Variants in NHLRC1 observed in about 807,000 individuals in gnomAD.
The protein encoded by NHLRC1 is E3 ubiquitin-protein ligase NHLRC1.
NHLRC1 carries 10 observed loss-of-function variants against 14.6 expected under a neutral mutation model. The observed-to-expected ratio is 0.69, with a 90% confidence interval of 0.42 to 1.17. The LOEUF (loss-of-function observed/expected upper bound fraction) is 1.17, where lower values mean the gene tolerates loss of function less well. NHLRC1 is among the 50% of genes most tolerant of loss of function. NHLRC1 has a pLI of 0.00. For missense variants in NHLRC1, 526 were observed against 522.9 expected (o/e 1.01, Z -0.06); for synonymous variants, 231 against 224.0 (o/e 1.03, Z -0.28).
In NHLRC1 at chr6:18,121,694, C is replaced by A. The variant is rs752220824; in HGVS notation, c.913G>T (p.Gly305Cys). Reference sequence around the variant, plus strand: ...CTCAGCCCAAAGGTATCCACTTGGCCGACAAGCTGCATACTTGAGCTAAAC... The same window carrying A: ...CTCAGCCCAAAGGTATCCACTTGGCAGACAAGCTGCATACTTGAGCTAAAC... The part of the protein sequence containing the change: ...KVFSSSMQLV[G>C]QVDTFGLSLY... The change falls in exon 1 of 1, where the codon GGC becomes TGC. Residue 305 changes from glycine to cysteine, a missense_variant. Coordinates refer to ENST00000340650, the MANE Select transcript of NHLRC1 (RefSeq NM_198586.3). The surrounding 1 kb of genome is among the most constrained non-coding windows in gnomAD (Gnocchi z 4.7). The A allele has an allele frequency of 1.2e-6, 2 of 1,614,074 alleles. No homozygotes were observed. The highest frequency in any genetic ancestry group is 8.5e-7 in the Non-Finnish European group (1 of 1,180,020).
rs746676778 is a variant in NHLRC1 at position 18,121,713 on chromosome 6, G to A, written c.894C>T (p.Ser298=). The stretch of plus-strand genomic sequence containing the variant: ...CTTGGCCGACAAGCTGCATACTTGA[G>A]CTAAACACTTTCACCCTGGTGCTGC... ...GVCSTRVKVF[S]SSMQLVGQVD... is the part of the protein sequence containing the mutation. Residue 298 remains serine, a synonymous_variant, in exon 1 of 1, where the codon AGC becomes AGT. Transcript: ENST00000340650. The surrounding 1 kb of genome is among the most constrained non-coding windows in gnomAD (Gnocchi z 4.7). 6.2e-7 allele frequency: 1 copy of A among 1,614,094 alleles called. No homozygotes were observed. The highest frequency in any genetic ancestry group is 8.5e-7 in the Non-Finnish European group (1 of 1,180,036).
Position 18,121,528 on chromosome 6 carries a change from G to A in NHLRC1, c.1079C>T (p.Thr360Ile). The change falls in exon 1 of 1, where the codon ACT (threonine) becomes ATT (isoleucine). Residue 360 changes from threonine (T) to isoleucine (I), a missense_variant. Physicochemically the swap from Thr to Ile is moderately conservative, Grantham distance 89. Transcript: ENST00000340650. The surrounding 1 kb of genome is among the most constrained non-coding windows in gnomAD (Gnocchi z 4.7). ...AGCCACAGGATGCGAAAGACCATGAGTGACCATGGGCTTCGGTACTGGAAA... is the reference window on the plus strand; with the variant it reads ...AGCCACAGGATGCGAAAGACCATGAATGACCATGGGCTTCGGTACTGGAAA... ...EEFPVPKPMV[T>I]HGLSHPVALT... 1 of 1,614,144 alleles carries A rather than the reference G, an allele frequency of 6.2e-7. No homozygotes were observed. The highest frequency in any genetic ancestry group is 2.2e-5 in the East Asian group (1 of 44,878).
rs553814041 is a variant in NHLRC1, at chr6:18,121,813, C to A, written c.794G>T (p.Arg265Leu). Residue 265 changes from arginine (R) to leucine (L), a missense_variant, in exon 1 of 1, where the codon CGA becomes CTA. Physicochemically the swap from Arg to Leu is moderately radical, Grantham distance 102 (BLOSUM62 -2). Coordinates refer to ENST00000340650, the MANE Select transcript of NHLRC1 (RefSeq NM_198586.3). This position sits in a 1 kb window ranked among gnomAD's most constrained non-coding sequence, Gnocchi z 4.7. ...GGTGAGCCAAGACACTGCCACCCCTCGGGGATTGCACAGATGAGCTTGCAA... is the reference window on the plus strand; with the variant it reads ...GGTGAGCCAAGACACTGCCACCCCTAGGGGATTGCACAGATGAGCTTGCAA... ...ERLQAHLCNPRGVAVSWLTGA... is the reference protein window; with the variant it reads ...ERLQAHLCNPLGVAVSWLTGA... The A allele has an allele frequency of 6.2e-7, 1 of 1,614,046 alleles. No homozygotes were observed. Among genetic ancestry groups the A allele is most frequent in the South Asian group, 1.1e-5 (1 of 91,082 alleles).
Position 18,122,307 on chromosome 6 carries a change from G to C in NHLRC1, c.300C>G (p.Ser100=), listed in dbSNP as rs774110305. Residue 100 remains serine, a synonymous_variant, in exon 1 of 1, where the codon TCC becomes TCG. Transcript: ENST00000340650. ...TGGGGGCGGCGCGATGGGCGGCCGGGGACTGGCGAAGCGCTGAGCCCAGGA... is the reference window on the plus strand; with the variant it reads ...TGGGGGCGGCGCGATGGGCGGCCGGCGACTGGCGAAGCGCTGAGCCCAGGA... ...IELLGSALRQ[S]PAAHRAAPSA... 1.3e-6 allele frequency: 2 copies of C among 1,588,862 alleles called. No individual in the cohort carries two copies. Among genetic ancestry groups the C allele is most frequent in the East Asian group, 4.5e-5 (2 of 44,530 alleles).
In NHLRC1 at chr6:18,121,091, G is replaced by T; in HGVS notation, c.*328C>A. 1 of 333,330 alleles carries T rather than the reference G, an allele frequency of 3.0e-6. No individual in the cohort carries two copies. Among genetic ancestry groups the T allele is most frequent in the Non-Finnish European group, 5.7e-6 (1 of 176,022 alleles). The allele number at this position is 333,330 out of a possible 1,614,324, so 20.6% of individuals were successfully genotyped here. On this transcript the variant is annotated 3_prime_UTR_variant, in exon 1 of 1. Coordinates refer to ENST00000340650, the MANE Select transcript of NHLRC1 (RefSeq NM_198586.3). The surrounding 1 kb of genome is among the most constrained non-coding windows in gnomAD (Gnocchi z 4.7). ...AGGCTGAGGTGGAAGGACCACCTGA[G>T]CGGGGGACGTTGAAACTGTAGTGAG... is the stretch of plus-strand genomic sequence containing the variant.
Position 18,121,554 on chromosome 6 carries a change from C to G in NHLRC1, c.1053G>C (p.Glu351Asp), listed in dbSNP as rs377395116. 1.2e-6 allele frequency: 2 copies of G among 1,614,074 alleles called. No homozygotes were observed. Among genetic ancestry groups the G allele is most frequent in the African/African-American group, 2.7e-5 (2 of 74,936 alleles). The change falls in exon 1 of 1, where the codon GAG becomes GAC. Residue 351 changes from glutamate (E) to aspartate (D), a missense_variant. Transcript: ENST00000340650. The surrounding 1 kb of genome is among the most constrained non-coding windows in gnomAD (Gnocchi z 4.7). ...PAILCLGKPE[E>D]FPVPKPMVTH... ...TGACCATGGGCTTCGGTACTGGAAA[C>G]TCCTCAGGTTTTCCTAAGCAAAGGA...
At position 18,121,791 on chromosome 6, in the gene NHLRC1, G is replaced by A; in HGVS notation, c.816C>T (p.Leu272=). The change falls in exon 1 of 1, where the codon CTC becomes CTT. Residue 272 remains leucine, a synonymous_variant. Transcript: ENST00000340650. This position sits in a 1 kb window ranked among gnomAD's most constrained non-coding sequence, Gnocchi z 4.7. ...GCTCCAGGACCGCAATGGCCCCGGT[G>A]AGCCAAGACACTGCCACCCCTCGGG... is the stretch of plus-strand genomic sequence containing the variant. ...CNPRGVAVSW[L]TGAIAVLEHP... is the part of the protein sequence containing the mutation. 2.5e-6 allele frequency: 4 copies of A among 1,614,024 alleles called. No individual in the cohort carries two copies. The highest frequency in any genetic ancestry group is 1.7e-5 in the Admixed American group (1 of 60,026).
rs1561882043 is a variant in NHLRC1, at chr6:18,122,201, G to A, written c.406C>T (p.Pro136Ser). The A allele has an allele frequency of 2.5e-6, 4 of 1,613,494 alleles. No individual in the cohort carries two copies. Among genetic ancestry groups the A allele is most frequent in the East Asian group, 4.5e-5 (2 of 44,866 alleles). ...LVNPTGLALC[P>S]KTGRVVVVHD... is the part of the protein sequence containing the mutation. Reference sequence around the variant, plus strand: ...ACCACCACGACACGCCCCGTCTTGGGACAAAGCGCCAGTCCGGTGGGGTTG... The same window carrying A: ...ACCACCACGACACGCCCCGTCTTGGAACAAAGCGCCAGTCCGGTGGGGTTG... The change falls in exon 1 of 1, where the codon CCC becomes TCC. Residue 136 changes from proline (P) to serine (S), a missense_variant. Transcript: ENST00000340650.
In NHLRC1 at chr6:18,121,496, A is replaced by G; in HGVS notation, c.1111T>C (p.Phe371Leu). 1 of 1,614,224 alleles carries G rather than the reference A, an allele frequency of 6.2e-7. No homozygotes were observed. The highest frequency in any genetic ancestry group is 8.5e-7 in the Non-Finnish European group (1 of 1,180,036). ...HGLSHPVALT[F>L]TKENSLLVLD... ...ACAAGAAGAGAATTCTCCTTGGTGA[A>G]GGTAAGAGCCACAGGATGCGAAAGA... Residue 371 changes from phenylalanine (F) to leucine (L), a missense_variant, in exon 1 of 1, where the codon TTC becomes CTC. Transcript: ENST00000340650. The surrounding 1 kb of genome is among the most constrained non-coding windows in gnomAD (Gnocchi z 4.7).
In NHLRC1 at chr6:18,122,002, T is replaced by C. The variant is rs1783744048; in HGVS notation, c.605A>G (p.Asp202Gly). The C allele has an allele frequency of 6.2e-7, 1 of 1,614,016 alleles. No homozygotes were observed. Among genetic ancestry groups the C allele is most frequent in the African/African-American group, 1.3e-5 (1 of 74,904 alleles). ...GACAAGCTTGATCTGGCCAAAAAAA[T>C]CAAACACTTTGATGGAGCGATCGCC... ...DAGDRSIKVF[D>G]FFGQIKLVIG... Residue 202 changes from aspartate (D) to glycine (G), a missense_variant, in exon 1 of 1, where the codon GAT becomes GGT. Coordinates refer to ENST00000340650, the MANE Select transcript of NHLRC1 (RefSeq NM_198586.3).
At position 18,122,099 on chromosome 6, in the gene NHLRC1, C is replaced by A. The variant is rs1235528268; in HGVS notation, c.508G>T (p.Ala170Ser). ...CAHQFGEKGD[A>S]AQDIRYPVDV... ...ACAGGGTACCTAATGTCTTGGGCAGCGTCCCCCTTCTCTCCAAACTGATGC... is the reference window on the plus strand; with the variant it reads ...ACAGGGTACCTAATGTCTTGGGCAGAGTCCCCCTTCTCTCCAAACTGATGC... The change falls in exon 1 of 1, where the codon GCT becomes TCT. Residue 170 changes from alanine to serine, a missense_variant. Ala to Ser is a moderately conservative substitution (Grantham distance 99). Transcript: ENST00000340650. 1.2e-6 allele frequency: 2 copies of A among 1,613,898 alleles called. No homozygotes were observed. The highest frequency in any genetic ancestry group is 1.1e-5 in the South Asian group (1 of 91,096).
Position 18,120,534 on chromosome 6 carries a change from G to A in NHLRC1, c.*885C>T, listed in dbSNP as rs909784995. 2 of 152,124 alleles carry A rather than the reference G, an allele frequency of 1.3e-5. No individual in the cohort carries two copies. The highest frequency in any genetic ancestry group is 6.5e-5 in the Admixed American group (1 of 15,268). 9.4% of individuals were successfully genotyped at this position (152,124 alleles called of 1,614,324 possible). ...CAGTTCAATTGTTTTTCTTATTCAC[G>A]TAACTCAGGATCAACAGTAACTTCA... On this transcript the variant is annotated 3_prime_UTR_variant, in exon 1 of 1. Transcript: ENST00000340650.
rs1783716574 is a variant in NHLRC1 at position 18,120,668 on chromosome 6, G to A, written c.*751C>T. On this transcript the variant is annotated 3_prime_UTR_variant, in exon 1 of 1. Coordinates refer to ENST00000340650, the MANE Select transcript of NHLRC1 (RefSeq NM_198586.3). Reference sequence around the variant, plus strand: ...GTCTCCTTTCTTTGCACATCTTTGTGCTAAAATAATTAGCTACTTGTAAAG... The same window carrying A: ...GTCTCCTTTCTTTGCACATCTTTGTACTAAAATAATTAGCTACTTGTAAAG... 6.6e-6 allele frequency: 1 copy of A among 152,100 alleles called. No homozygotes were observed. The highest frequency in any genetic ancestry group is 2.1e-4 in the South Asian group (1 of 4,824). 9.4% of individuals were successfully genotyped at this position (152,100 alleles called of 1,614,324 possible). A position where few individuals can be genotyped will look rare whatever the true frequency, so the allele number is the denominator to read the frequency against.
Position 18,122,568 on chromosome 6 carries a change from A to G in NHLRC1, c.39T>C (p.His13=). 3 of 1,595,916 alleles carry G rather than the reference A, an allele frequency of 1.9e-6. No homozygotes were observed. The highest frequency in any genetic ancestry group is 2.5e-6 in the Non-Finnish European group (3 of 1,178,474). ...AEASESGPAL[H]ELMREAEISL... ...TGATCTCCGCCTCGCGCATGAGCTC[A>G]TGCAGCGCTGGCCCGCTCTCCGAGG... Residue 13 remains histidine, a synonymous_variant, in exon 1 of 1, where the codon CAT becomes CAC. Coordinates refer to ENST00000340650, the MANE Select transcript of NHLRC1 (RefSeq NM_198586.3).
rs768626564 is a variant in NHLRC1, at chr6:18,121,824, C to T, written c.783G>A (p.Leu261=). 1 of 1,614,102 alleles carries T rather than the reference C, an allele frequency of 6.2e-7. No individual in the cohort carries two copies. Among genetic ancestry groups the T allele is most frequent in the South Asian group, 1.1e-5 (1 of 91,084 alleles). ...ACACTGCCACCCCTCGGGGATTGCA[C>T]AGATGAGCTTGCAACCTTTCAGTTC... is the stretch of plus-strand genomic sequence containing the variant. ...LRRTERLQAH[L]CNPRGVAVSW... Residue 261 remains leucine, a synonymous_variant, in exon 1 of 1, where the codon CTG becomes CTA. Transcript: ENST00000340650. This position sits in a 1 kb window ranked among gnomAD's most constrained non-coding sequence, Gnocchi z 4.7.
chr6:18,121,833 T>C lies in NHLRC1; in HGVS notation c.774A>G (p.Gln258=), dbSNP rs761062592. 6.2e-7 allele frequency: 1 copy of C among 1,614,048 alleles called. No homozygotes were observed. Among genetic ancestry groups the C allele is most frequent in the South Asian group, 1.1e-5 (1 of 91,072 alleles). ...EGVLRRTERL[Q]AHLCNPRGVA... ...CCCCTCGGGGATTGCACAGATGAGCTTGCAACCTTTCAGTTCTCCGAAGGA... is the reference window on the plus strand; with the variant it reads ...CCCCTCGGGGATTGCACAGATGAGCCTGCAACCTTTCAGTTCTCCGAAGGA... Residue 258 remains glutamine, a synonymous_variant, in exon 1 of 1, where the codon CAA becomes CAG. Coordinates refer to ENST00000340650, the MANE Select transcript of NHLRC1 (RefSeq NM_198586.3). The surrounding 1 kb of genome is among the most constrained non-coding windows in gnomAD (Gnocchi z 4.7).
At position 18,122,590 on chromosome 6, in the gene NHLRC1, G is replaced by A; in HGVS notation, c.17C>T (p.Ser6Leu). ...CTCATGCAGCGCTGGCCCGCTCTCC[G>A]AGGCTTCGGCCGCCATGGCGCGTCC... is the stretch of plus-strand genomic sequence containing the variant. MAAEA[S>L]ESGPALHELM... The change falls in exon 1 of 1, where the codon TCG (serine) becomes TTG (leucine). Residue 6 changes from serine to leucine, a missense_variant. Physicochemically the swap from Ser to Leu is moderately radical, Grantham distance 145. Transcript: ENST00000340650. 6.3e-7 allele frequency: 1 copy of A among 1,594,976 alleles called. No homozygotes were observed. Among genetic ancestry groups the A allele is most frequent in the Non-Finnish European group, 8.5e-7 (1 of 1,178,942 alleles).
rs1468013047 is a variant in NHLRC1, at chr6:18,122,366, T to A, written c.241A>T (p.Ser81Cys). Residue 81 changes from serine (S) to cysteine (C), a missense_variant, in exon 1 of 1, where the codon AGC becomes TGC. By Grantham distance (112) the Ser-to-Cys change is moderately radical (BLOSUM62 -1). Transcript: ENST00000340650. Reference sequence around the variant, plus strand: ...AGGTGCAGCACCGGCAGGCAGTCGCTGGTGTCGCAGCCCCGGCAAGCTCGC... The same window carrying A: ...AGGTGCAGCACCGGCAGGCAGTCGCAGGTGTCGCAGCCCCGGCAAGCTCGC... Reference protein sequence around the residue: ...CRRACRGCDTSDCLPVLHLIE... With the variant: ...CRRACRGCDTCDCLPVLHLIE... 6.4e-7 allele frequency: 1 copy of A among 1,573,732 alleles called. No individual in the cohort carries two copies. The highest frequency in any genetic ancestry group is 1.1e-5 in the South Asian group (1 of 89,178).
rs1783719769 is a variant in NHLRC1 at position 18,120,876 on chromosome 6, A to G, written c.*543T>C. ...GTTTTCTCACTTGTACAATGAGATT[A>G]ATAATAAAAATTATGGCTGAGCAAG... is the stretch of plus-strand genomic sequence containing the variant. On this transcript the variant is annotated 3_prime_UTR_variant, in exon 1 of 1. Coordinates refer to ENST00000340650, the MANE Select transcript of NHLRC1 (RefSeq NM_198586.3). 1 of 156,898 alleles carries G rather than the reference A, an allele frequency of 6.4e-6. No individual in the cohort carries two copies. The highest frequency in any genetic ancestry group is 2.4e-5 in the African/African-American group (1 of 41,476). The allele number at this position is 156,898 out of a possible 1,614,324, so 9.7% of individuals were successfully genotyped here.
Sources: allele counts gnomAD v4.1 joint callset, GRCh38; gene constraint gnomAD v4.1.1; non-coding constraint Gnocchi (gnomAD v3.1); transcripts MANE v1.5; gene names NCBI Gene and HGNC (gene_info 2026-07-23, HGNC 2026-07-21).